CATSPERT: variants seen among roughly 807,000 people sequenced by gnomAD.
CATSPERT encodes the protein catsper channel auxiliary subunit tau, also known as cation channel sperm-associated targeting subunit tau.
At chr2:201,551,074 TG>T in the CATSPERT span, 1 of 152,258 alleles carries the variant, frequency 6.6e-6, no homozygotes, top group African/African-American at 2.4e-5. Flanking sequence ...GAGCTTGAAC[TG>T]TGCACGTCCA....
the CATSPERT span, among the ~76,000 whole-genome samples, chr2:201,488,993 G>A: frequency 1.3e-5 from 2 of 152,154 alleles, no homozygotes; most frequent in Admixed American, 6.5e-5. Flanking sequence ...TACTGGAGTG[G>A]CAGTGGAAGG....
At chr2:201,552,867 A>G in the CATSPERT span, 1 of 152,194 alleles carries the variant, frequency 6.6e-6, no homozygotes, top group Non-Finnish European at 1.5e-5. Context: ...ATATGACCCA[A>G]TAGTCCTACA....
chr2:201,592,805 T>C, the CATSPERT span, among the ~76,000 whole-genome samples: 7 of 152,372 alleles, frequency 4.6e-5, no homozygotes, highest in East Asian at 1.3e-3. Flanking sequence ...GTAGTGTGTA[T>C]TTCTGTGGGA....
chr2:201,564,661 A>G, the CATSPERT span, among the ~76,000 whole-genome samples: 2 of 152,154 alleles, frequency 1.3e-5, no homozygotes, highest in Non-Finnish European at 1.5e-5. Context: ...CTCTTATGAT[A>G]AGAGACATGA....
chr2:201,502,895 G>GTTTTTTTTTTTTTTTTTTTTTTTTTT, the CATSPERT span, among the ~76,000 whole-genome samples: 1 of 148,942 alleles, frequency 6.7e-6, no homozygotes. Context: ...GTGATACTGT[G>GTTTTTTTTTTTTTTTTTTTTTTTTTT]TTGTTTTTTT....
the CATSPERT span, chr2:201,534,615 CA>C: frequency 7.1e-6 from 7 of 982,700 alleles, no homozygotes; most frequent in South Asian, 2.4e-4. Flanking sequence ...GACTAATGAG[CA>C]AAAAAAAGTG....
chr2:201,550,947 A>C, the CATSPERT span: 2 of 152,190 alleles, frequency 1.3e-5, no homozygotes, highest in African/African-American at 2.4e-5. Flanking sequence ...AATTATTGAG[A>C]CTTTTTACTC....
the CATSPERT span, among the ~76,000 whole-genome samples, chr2:201,606,897 T>G: frequency 8.6e-5 from 11 of 128,190 alleles, no homozygotes; most frequent in Admixed American, 4.9e-4. Context: ...AGACTCTGTC[T>G]CAAAAAAAAA....
chr2:201,617,149 A>G, the CATSPERT span, among the ~76,000 whole-genome samples: 1 of 152,232 alleles, frequency 6.6e-6, no homozygotes, highest in Non-Finnish European at 1.5e-5. Context: ...TAATTTATAG[A>G]TTCAATGCCA....
At chr2:201,487,827 T>A in the CATSPERT span, 5 of 1,614,102 alleles carry the variant, frequency 3.1e-6, no homozygotes, top group Middle Eastern at 1.6e-4. Flanking sequence ...CCTAAAAGCC[T>A]TGATCTTGAT....
chr2:201,600,660 G>A, the CATSPERT span, among the ~76,000 whole-genome samples: 2 of 152,034 alleles, frequency 1.3e-5, no homozygotes, highest in Non-Finnish European at 2.9e-5. Flanking sequence ...GGAGCATAGA[G>A]GAGAAAAGGC....
the CATSPERT span, among the ~76,000 whole-genome samples, chr2:201,610,397 G>T: frequency 6.6e-6 from 1 of 151,606 alleles, no homozygotes; most frequent in African/African-American, 2.4e-5. Context: ...GGCAGAGCTT[G>T]CAGTGAGCCG....
chr2:201,560,370 C>T, the CATSPERT span, among the ~76,000 whole-genome samples: 1 of 151,324 alleles, frequency 6.6e-6, no homozygotes, highest in Non-Finnish European at 1.5e-5. Flanking sequence ...TTGCAGTGAG[C>T]CGAGATAGTA....
At chr2:201,615,565 A>G in the CATSPERT span, among the ~76,000 whole-genome samples, 1 of 152,224 alleles carries the variant, frequency 6.6e-6, no homozygotes, top group Non-Finnish European at 1.5e-5. Context: ...CAGCGTGTAG[A>G]AGGAAATTTA....
the CATSPERT span, among the ~76,000 whole-genome samples, chr2:201,606,979 TTAC>T: frequency 2.7e-5 from 4 of 150,796 alleles, no homozygotes; most frequent in Admixed American, 2.6e-4. Context: ...GATTCAAATG[TTAC>T]TACTACAGAA....
chr2:201,595,236 T>TGG, the CATSPERT span, among the ~76,000 whole-genome samples: 1 of 149,746 alleles, frequency 6.7e-6, no homozygotes, highest in Non-Finnish European at 1.5e-5. Context: ...TCGCCCAGGC[T>TGG]GGGGTGCAGT....
At chr2:201,617,913 C>G in the CATSPERT span, among the ~76,000 whole-genome samples, 566 of 152,282 alleles carry the variant, frequency 3.7e-3, 9 homozygotes, top group Non-Finnish European at 7.6e-4. Context: ...TGAACAGACA[C>G]TTCTCAAAAG....
the CATSPERT span, among the ~76,000 whole-genome samples, chr2:201,566,673 A>T: frequency 6.6e-6 from 1 of 152,064 alleles, no homozygotes; most frequent in African/African-American, 2.4e-5. Context: ...ATACGTGTGC[A>T]TGTGTCTTTA....
chr2:201,594,598 C>T, the CATSPERT span, among the ~76,000 whole-genome samples: 9 of 151,988 alleles, frequency 5.9e-5, no homozygotes, highest in South Asian at 6.2e-4. Flanking sequence ...CCATTCTCCC[C>T]GTCACTTTCA....
Sources: gnomAD v4.1 joint callset for allele counts (sites outside exome capture counted in the v4.1 genomes callset) on GRCh38, gnomAD v4.1.1 for gene constraint, MANE v1.5 for transcripts, NCBI Gene and HGNC (gene_info 2026-07-23, HGNC 2026-07-21) for gene names.